The following RBFOX1 variants were observed in gnomAD, a reference collection of about 807,000 sequenced individuals.
RBFOX1 encodes the protein RNA binding fox-1 homolog 1, also known as RNA binding protein fox-1 homolog 1.
Under a neutral mutation model 57.7 loss-of-function variants are expected in RBFOX1, and 8 were observed. The ratio of observed to expected loss-of-function variants is 0.14; its 90% CI spans 0.08 to 0.25. The LOEUF (loss-of-function observed/expected upper bound fraction) is 0.25, where lower values mean the gene tolerates loss of function less well. RBFOX1 is among the 10% of genes least tolerant of loss of function. The probability of loss-of-function intolerance (pLI) is 1.00; values close to 1 mark genes in which losing one functional copy is unlikely to be tolerated. For missense variants in RBFOX1, 611 were observed against 548.5 expected (o/e 1.11, Z -1.14); for synonymous variants, 326 against 222.4 (o/e 1.47, Z -4.15).
chr16:6,642,433 G>A (rs1306664399), intron 2 of RBFOX1, among the ~76,000 whole-genome samples: 3 of 152,048 alleles, frequency 2.0e-5, no homozygotes, highest in East Asian at 1.9e-4. Flanking sequence ...CTGGTGACAG[G>A]AGACTCCTAC....
chr16:5,810,243 T>G (rs1261428182), intron 3 of RBFOX1, among the ~76,000 whole-genome samples: 2 of 151,912 alleles, frequency 1.3e-5, no homozygotes, highest in African/African-American at 4.8e-5. Flanking sequence ...AGTTAATGGG[T>G]GCAGCACACC....
chr16:6,450,818 CATAT>C (rs1305191127), intron 2 of RBFOX1, among the ~76,000 whole-genome samples: 864 of 17,716 alleles, frequency 0.049, 151 homozygotes, highest in African/African-American at 0.16. Flanking sequence ...TATATATATA[CATAT>C]ATATATATAT....
At chr16:5,809,620 A>G (rs1268770656) in intron 3 of RBFOX1, among the ~76,000 whole-genome samples, 2 of 152,248 alleles carry the variant, frequency 1.3e-5, no homozygotes, top group Non-Finnish European at 2.9e-5. Context: ...CAAAACCACG[A>G]TGAGATACCA....
chr16:6,252,266 A>C (rs942848413), intron 1 of RBFOX1, among the ~76,000 whole-genome samples: 1 of 152,122 alleles, frequency 6.6e-6, no homozygotes, highest in African/African-American at 2.4e-5. Context: ...ACCTGAAAAG[A>C]AGAAAGGTAA....
At chr16:7,129,221 T>C (rs886821336) in intron 4 of RBFOX1, among the ~76,000 whole-genome samples, 3 of 152,126 alleles carry the variant, frequency 2.0e-5, no homozygotes, top group African/African-American at 7.2e-5. Context: ...ATGTTCTTTA[T>C]ATAGTTTTTA....
At chr16:5,606,905 A>G (rs1280752657) in intron 3 of RBFOX1, among the ~76,000 whole-genome samples, 1 of 152,084 alleles carries the variant, frequency 6.6e-6, no homozygotes, top group African/African-American at 2.4e-5. Flanking sequence ...TTGGCGGGAG[A>G]AGCAGGCATG....
intron 1 of RBFOX1, among the ~76,000 whole-genome samples, chr16:6,114,491 G>A (rs1437401410): frequency 6.6e-6 from 1 of 152,140 alleles, no homozygotes; most frequent in Non-Finnish European, 1.5e-5. Context: ...AGTTGCTGCA[G>A]TTATATTTAT....
intron 5 of RBFOX1, among the ~76,000 whole-genome samples, chr16:7,566,785 T>C (rs1387288660): frequency 1.3e-5 from 2 of 152,060 alleles, no homozygotes; most frequent in East Asian, 1.9e-4. Flanking sequence ...GCAAAAGCCT[T>C]CCTCAGTGAT....
intron 2 of RBFOX1, among the ~76,000 whole-genome samples, chr16:5,494,141 C>G (rs1261931657): frequency 6.6e-6 from 1 of 152,162 alleles, no homozygotes; most frequent in African/African-American, 2.4e-5. Flanking sequence ...GTATGAATCC[C>G]TGTCAGAGCT....
In RBFOX1 at chr16:7,415,299, T is replaced by C. The variant is rs140636704; in HGVS notation, c.28-102848T>C. ...TGACAGGTACCACTGGCTAGCATTATAATCCAAGATAAATCCATATCTTCT... is the reference window on the plus strand; with the variant it reads ...TGACAGGTACCACTGGCTAGCATTACAATCCAAGATAAATCCATATCTTCT... On this transcript the variant is annotated intron_variant, in intron 4 of 15. Transcript: ENST00000550418. Among the ~76,000 whole-genome samples the C allele has an allele frequency of 4.1e-3, 626 of 152,344 alleles. 5 individuals carry two copies. The highest frequency in any genetic ancestry group is 0.014 in the African/African-American group (592 of 41,580).
At chr16:6,798,157 G>T (rs1023890127) in intron 3 of RBFOX1, among the ~76,000 whole-genome samples, 2 of 152,104 alleles carry the variant, frequency 1.3e-5, no homozygotes, top group Admixed American at 1.3e-4. Context: ...CAGAACAAAT[G>T]AAAGCAGGGC....
At chr16:5,469,845 G>A (rs1477396223) in intron 2 of RBFOX1, among the ~76,000 whole-genome samples, 2 of 152,066 alleles carry the variant, frequency 1.3e-5, no homozygotes, top group African/African-American at 4.8e-5. Context: ...TCCTTTTTAT[G>A]GCTGAATAAT....
At chr16:7,382,302 C>T (rs1055978817) in intron 4 of RBFOX1, among the ~76,000 whole-genome samples, 5 of 152,120 alleles carry the variant, frequency 3.3e-5, no homozygotes, top group African/African-American at 1.2e-4. Flanking sequence ...TAAATTATAT[C>T]ATACTTAAAG....
At chr16:7,221,435 T>C (rs1471453305) in intron 4 of RBFOX1, among the ~76,000 whole-genome samples, 2 of 152,004 alleles carry the variant, frequency 1.3e-5, no homozygotes, top group African/African-American at 4.8e-5. Flanking sequence ...GGCCCAATCT[T>C]GGCTCACTGC....
At chr16:7,130,082 G>C (rs899090965) in intron 4 of RBFOX1, among the ~76,000 whole-genome samples, 6 of 150,332 alleles carry the variant, frequency 4.0e-5, no homozygotes, top group African/African-American at 1.2e-4. Flanking sequence ...GCCCAGGCTG[G>C]GGTGCAATGG....
intron 1 of RBFOX1, among the ~76,000 whole-genome samples, chr16:6,142,309 C>A (rs990053446): frequency 6.7e-6 from 1 of 150,222 alleles, no homozygotes; most frequent in South Asian, 2.1e-4. Flanking sequence ...GCAAGCTCCA[C>A]CTCCTGAGTT....
In RBFOX1 at chr16:6,140,416, G is replaced by A. The variant is rs144492288; in HGVS notation, c.-127+120424G>A. Among the ~76,000 whole-genome samples, 43 of 152,000 alleles carry A rather than the reference G, an allele frequency of 2.8e-4. 1 individual carries two copies. The highest frequency in any genetic ancestry group is 8.4e-4 in the African/African-American group (35 of 41,474). ...TTGCTGTGTTGGCCAGGCTAGCCTC[G>A]AATTCCTGGATTGAAGTGATCCACC... On this transcript the variant is annotated intron_variant, in intron 1 of 15. Transcript: ENST00000550418.
intron 3 of RBFOX1, among the ~76,000 whole-genome samples, chr16:6,685,312 G>T (rs2059270568): frequency 8.5e-6 from 1 of 117,676 alleles, no homozygotes; most frequent in Non-Finnish European, 1.6e-5. Context: ...GTCTCACCCT[G>T]TTGCCCAGGC....
chr16:7,089,777 TTC>T (rs2060523349), intron 4 of RBFOX1, among the ~76,000 whole-genome samples: 1 of 152,224 alleles, frequency 6.6e-6, no homozygotes, highest in Non-Finnish European at 1.5e-5. Context: ...TTCTATTTTC[TTC>T]TCTCAGACCA....
Sources: allele counts gnomAD v4.1 joint callset (sites outside exome capture counted in the v4.1 genomes callset), GRCh38; gene constraint gnomAD v4.1.1; transcripts MANE v1.5; gene names NCBI Gene and HGNC (gene_info 2026-07-23, HGNC 2026-07-21).